Variants in TCF12 observed in about 807,000 individuals in gnomAD.
The protein encoded by TCF12 is transcription factor 12, also known as DNA-binding protein HTF4.
A neutral mutation model predicts 86.0 loss-of-function variants in TCF12; 45 were observed. That is an observed-to-expected ratio of 0.52 (90% CI 0.41 to 0.67). The LOEUF is 0.67. TCF12 is among the 30% of genes least tolerant of loss of function. The pLI is 0.00. For missense variants in TCF12, 881 were observed against 859.9 expected (o/e 1.02, Z -0.31); for synonymous variants, 330 against 299.6 (o/e 1.10, Z -1.05).
At chr15:57,111,082 G>A (rs572285346) in intron 5 of TCF12, among the ~76,000 whole-genome samples, 5 of 152,158 alleles carry the variant, frequency 3.3e-5, no homozygotes, top group African/African-American at 1.2e-4. Flanking sequence ...TCTTTTTAAC[G>A]TCCTCTCTTT....
intron 3 of TCF12, among the ~76,000 whole-genome samples, chr15:56,938,025 TTTTTTTTTTC>T (rs1329704516): frequency 6.8e-6 from 1 of 146,692 alleles, no homozygotes; most frequent in Non-Finnish European, 1.5e-5. Context: ...TTTTTTTTCT[TTTTTTTTTTC>T]GTTTCTTTTC....
chr15:57,285,458 C>G (rs2061892161), intron 20 of TCF12, among the ~76,000 whole-genome samples: 1 of 152,092 alleles, frequency 6.6e-6, no homozygotes, highest in Middle Eastern at 3.2e-3. Context: ...TAATAAATAG[C>G]AAACATTTGT....
chr15:57,230,952 C>CG (rs2059109235), intron 8 of TCF12, among the ~76,000 whole-genome samples, 200 bp from the exon 9 acceptor site: 1 of 112,864 alleles, frequency 8.9e-6, no homozygotes. Context: ...TAATAACCAG[C>CG]TTAAAAAAAA....
At position 57,001,529 on chromosome 15, in the gene TCF12, C is replaced by T. The variant is rs557785291; in HGVS notation, c.149-62221C>T. 2.2e-3 allele frequency: 354 copies of T among 161,738 alleles called. 1 individual carries two copies. Among genetic ancestry groups the T allele is most frequent in the Middle Eastern group, 0.012 (4 of 346 alleles). The allele number at this position is 161,738 out of a possible 1,614,324, so 10.0% of individuals were successfully genotyped here. On this transcript the variant is annotated intron_variant, in intron 3 of 20. Coordinates refer to ENST00000333725, the MANE Select transcript of TCF12 (RefSeq NM_207037.2). ...GTCTTTCATAGATTTAAAAAATATT[C>T]GTTGGATTTGATTGTTGCATGTTTT... is the stretch of plus-strand genomic sequence containing the variant.
At chr15:57,073,637 A>G (rs571957038) in intron 4 of TCF12, among the ~76,000 whole-genome samples, 5 of 152,336 alleles carry the variant, frequency 3.3e-5, no homozygotes, top group East Asian at 1.9e-4. Flanking sequence ...CTGTCTCTAA[A>G]TTACTTTCCC....
rs535314442 is a variant in TCF12, at chr15:57,026,690, C to T, written c.149-37060C>T. On this transcript the variant is annotated intron_variant, in intron 3 of 20. Transcript: ENST00000333725. Reference sequence around the variant, plus strand: ...ATTTCATTTTATATATTTTAATTTACGTATACATTTTACATAATATGTATT... The same window carrying T: ...ATTTCATTTTATATATTTTAATTTATGTATACATTTTACATAATATGTATT... Among the ~76,000 whole-genome samples, 14 of 151,980 alleles carry T rather than the reference C, an allele frequency of 9.2e-5. No individual in the cohort carries two copies. In the East Asian group the frequency reaches 9.7e-4, roughly 10 times the overall value.
chr15:57,222,997 A>G (rs1171189883), intron 8 of TCF12, among the ~76,000 whole-genome samples: 6 of 151,734 alleles, frequency 4.0e-5, no homozygotes, highest in Admixed American at 2.6e-4. Flanking sequence ...TTCAAGCTAG[A>G]CGCACATTTT....
intron 6 of TCF12, among the ~76,000 whole-genome samples, chr15:57,181,267 A>AT (rs2056332389): frequency 6.6e-6 from 1 of 151,454 alleles, no homozygotes; most frequent in African/African-American, 2.4e-5. Flanking sequence ...TGTTTTTTTT[A>AT]TTTTTTATTT....
chr15:57,206,762 T>C (rs1267259426), intron 8 of TCF12, among the ~76,000 whole-genome samples: 1 of 151,372 alleles, frequency 6.6e-6, no homozygotes, highest in African/African-American at 2.4e-5. Context: ...TAACTTAAAC[T>C]TAGATATATT....
rs763244178 is a variant in TCF12 at position 56,921,067 on chromosome 15, T to A, written c.117T>A (p.Thr39=). ...PPVNSGKTRP[T]TLGSSQFSGS... Reference sequence around the variant, plus strand: ...TTAATAGTGGGAAAACTAGACCAACTACACTGGGAAGCAGTCAATTCAGTG... The same window carrying A: ...TTAATAGTGGGAAAACTAGACCAACAACACTGGGAAGCAGTCAATTCAGTG... The change falls in exon 3 of 21, where the codon ACT becomes ACA. Residue 39 remains threonine (T), a synonymous_variant. Transcript: ENST00000333725. 3 of 1,609,204 alleles carry A rather than the reference T, an allele frequency of 1.9e-6. 1 individual carries two copies. In the South Asian group the frequency reaches 3.3e-5, roughly 18 times the overall value.
rs1422431538 is a variant in TCF12, at chr15:57,223,653, T to TTTTTGTTTTTTTTTTG, written c.580-7495_580-7494insGTTTTTTTTTTGTTTT. ...CTGCCTACCAATGAGGTTTTTTTTTTTTTTTTTTTTTTTTTTTTAGAAATA... is the reference window on the plus strand; with the variant it reads ...CTGCCTACCAATGAGGTTTTTTTTTTTTTTGTTTTTTTTTTGTTTTTTTTTTTTTTTTTTAGAAATA... On this transcript the variant is annotated intron_variant, in intron 8 of 20. Coordinates refer to ENST00000333725, the MANE Select transcript of TCF12 (RefSeq NM_207037.2). Among the ~76,000 whole-genome samples the TTTTTGTTTTTTTTTTG allele has an allele frequency of 3.4e-3, 457 of 135,358 alleles. 5 individuals carry two copies. Among genetic ancestry groups the TTTTTGTTTTTTTTTTG allele is most frequent in the African/African-American group, 0.012 (438 of 36,232 alleles). The allele number at this position is 135,358 out of a possible 152,430, so 88.8% of individuals were successfully genotyped here. A position where few individuals can be genotyped will look rare whatever the true frequency, so the allele number is the denominator to read the frequency against.
intron 8 of TCF12, among the ~76,000 whole-genome samples, chr15:57,222,757 CATTTTT>C (rs373732191): frequency 2.7e-5 from 2 of 75,438 alleles, no homozygotes; most frequent in African/African-American, 5.0e-5. Context: ...AAAGGACTGC[CATTTTT>C]TTTTTTTTTT....
At position 57,289,010 on chromosome 15, in the gene TCF12, G is replaced by A. The variant is rs1380171473; in HGVS notation, c.*2865G>A. ...CCAGTTTTTAACCACAAAAAAAAGC[G>A]TAGGGATTATCCATGAGGACTTCAT... is the stretch of plus-strand genomic sequence containing the variant. On this transcript the variant is annotated 3_prime_UTR_variant, in exon 21 of 21. Coordinates refer to ENST00000333725, the MANE Select transcript of TCF12 (RefSeq NM_207037.2). 3 of 152,120 alleles carry A rather than the reference G, an allele frequency of 2.0e-5. No homozygotes were observed. The highest frequency in any genetic ancestry group is 2.1e-4 in the South Asian group (1 of 4,824). 9.4% of individuals were successfully genotyped at this position (152,120 alleles called of 1,614,324 possible).
intron 3 of TCF12, among the ~76,000 whole-genome samples, chr15:56,944,549 A>G (rs766017652): frequency 9.9e-5 from 15 of 152,170 alleles, no homozygotes; most frequent in African/African-American, 3.4e-4. Flanking sequence ...ATAAACCTGT[A>G]TAAAATTAGT....
chr15:57,220,017 C>T (rs538912854), intron 8 of TCF12, among the ~76,000 whole-genome samples: 51 of 152,180 alleles, frequency 3.4e-4, no homozygotes, highest in South Asian at 1.2e-3. Flanking sequence ...TGAGCCACCG[C>T]GCCCAGCCTA....
At chr15:57,029,961 G>A (rs1706838264) in intron 3 of TCF12, among the ~76,000 whole-genome samples, 1 of 152,154 alleles carries the variant, frequency 6.6e-6, no homozygotes, top group Non-Finnish European at 1.5e-5. Flanking sequence ...ATGTACCATA[G>A]TTTGTTTTTT....
At chr15:57,251,183 T>G (rs1214638955) in intron 13 of TCF12, 167 bp from the exon 14 acceptor site, 1 of 471,148 alleles carries the variant, frequency 2.1e-6, no homozygotes, top group African/African-American at 2.0e-5. Context: ...TAATGAAAGA[T>G]TTTTTAAAAT....
rs1473070886 is a variant in TCF12 at position 57,232,604 on chromosome 15, T to C, written c.826-108T>C. ...AATAAATGACAATAAGTAGTGCTCT[T>C]TAGCTGTAACTTGTAAATGCTCTTT... On this transcript the variant is annotated intron_variant, in intron 10 of 20. Coordinates refer to ENST00000333725, the MANE Select transcript of TCF12 (RefSeq NM_207037.2). 10 of 1,451,004 alleles carry C rather than the reference T, an allele frequency of 6.9e-6. No homozygotes were observed. The African/African-American group carries it at 1.3e-4, about 19-fold the overall frequency. The allele number at this position is 1,451,004 out of a possible 1,614,324, so 89.9% of individuals were successfully genotyped here.
chr15:57,260,744 T>C (rs1464995624), intron 16 of TCF12, among the ~76,000 whole-genome samples: 2 of 152,184 alleles, frequency 1.3e-5, no homozygotes, highest in African/African-American at 4.8e-5. Context: ...TTTTATAAAA[T>C]GGGATTTTGA....
Sources: gnomAD v4.1 joint callset for allele counts (sites outside exome capture counted in the v4.1 genomes callset) on GRCh38, gnomAD v4.1.1 for gene constraint, MANE v1.5 for transcripts, NCBI Gene and HGNC (gene_info 2026-07-23, HGNC 2026-07-21) for gene names.